Variants in STAU2 observed in about 807,000 individuals in gnomAD.
STAU2 encodes the protein staufen double-stranded RNA binding protein 2.
In STAU2, 20 loss-of-function variants were observed where a neutral mutation model predicts 65.9. The observed-to-expected ratio is 0.30, with a 90% CI of 0.21 to 0.44. The LOEUF is 0.44. Among genes scored for constraint, STAU2 ranks in the 20% least tolerant of loss-of-function variants. STAU2 has a pLI of 1.00. For missense variants in STAU2, 558 were observed against 683.9 expected (o/e 0.82, Z 2.05); for synonymous variants, 232 against 233.9 (o/e 0.99, Z 0.07).
At chr8:73,620,415 C>T (rs1350358404) in intron 6 of STAU2, among the ~76,000 whole-genome samples, 1 of 152,210 alleles carries the variant, frequency 6.6e-6, no homozygotes, top group Non-Finnish European at 1.5e-5. Flanking sequence ...ACTATAATCA[C>T]TAAGGCCTGC....
chr8:73,530,511 G>A (rs1190143268), intron 13 of STAU2, among the ~76,000 whole-genome samples: 1 of 152,198 alleles, frequency 6.6e-6, no homozygotes, highest in Admixed American at 6.5e-5. Context: ...GTAGCTCTAA[G>A]AGAATAGCTG....
At chr8:73,511,432 T>C (rs1696580862) in intron 13 of STAU2, 1 of 152,726 alleles carries the variant, frequency 6.5e-6, no homozygotes, top group South Asian at 2.1e-4. Context: ...CTCTGCTGTA[T>C]TTGCTAAATT....
intron 9 of STAU2, among the ~76,000 whole-genome samples, chr8:73,605,255 A>C (rs549719929): frequency 1.3e-5 from 2 of 151,930 alleles, no homozygotes; most frequent in Non-Finnish European, 2.9e-5. Flanking sequence ...ATCGATCAGA[A>C]GACTCAACAA....
chr8:73,727,529 A>G (rs1350639845), intron 3 of STAU2, among the ~76,000 whole-genome samples: 2 of 152,222 alleles, frequency 1.3e-5, no homozygotes, highest in Non-Finnish European at 2.9e-5. Context: ...GTTCATCTGC[A>G]TCGTAGCATG....
chr8:73,559,179 G>A (rs1048891651), intron 12 of STAU2, among the ~76,000 whole-genome samples: 14 of 152,220 alleles, frequency 9.2e-5, no homozygotes, highest in African/African-American at 3.1e-4. Context: ...ACCACTGGAA[G>A]AAGCTGAGTG....
intron 12 of STAU2, among the ~76,000 whole-genome samples, chr8:73,577,032 A>G (rs1809611733): frequency 6.6e-6 from 1 of 152,212 alleles, no homozygotes; most frequent in Non-Finnish European, 1.5e-5. Context: ...CAGAAATTGA[A>G]ATTTCATTCA....
chr8:73,522,242 G>C (rs1318247025), intron 13 of STAU2, among the ~76,000 whole-genome samples: 1 of 152,180 alleles, frequency 6.6e-6, no homozygotes, highest in Non-Finnish European at 1.5e-5. Context: ...GTAATTAAAG[G>C]AGACAGGAAA....
chr8:73,713,151 G>C (rs548891810), intron 3 of STAU2, among the ~76,000 whole-genome samples: 2 of 152,184 alleles, frequency 1.3e-5, no homozygotes, highest in Admixed American at 1.3e-4. Flanking sequence ...ACTTTGATAA[G>C]AAACACTGGT....
At chr8:73,585,290 G>C (rs1221768288) in intron 11 of STAU2, among the ~76,000 whole-genome samples, 2 of 152,176 alleles carry the variant, frequency 1.3e-5, no homozygotes, top group Admixed American at 1.3e-4. Context: ...AGACCAGCCT[G>C]ACCAACATGG....
chr8:73,545,371 A>G (rs1032834229), intron 13 of STAU2, among the ~76,000 whole-genome samples: 4 of 152,070 alleles, frequency 2.6e-5, no homozygotes, highest in African/African-American at 4.8e-5. Flanking sequence ...AAAAAAATAG[A>G]TAATACTACA....
At chr8:73,746,367 G>A in intron 1 of STAU2, among the ~76,000 whole-genome samples, 1 of 150,724 alleles carries the variant, frequency 6.6e-6, no homozygotes, top group South Asian at 2.1e-4. Context: ...TGCACTCGCC[G>A]TCCTCTCTTC....
intron 10 of STAU2, among the ~76,000 whole-genome samples, chr8:73,596,858 T>G (rs923461764): frequency 9.2e-5 from 14 of 151,954 alleles, no homozygotes; most frequent in African/African-American, 3.4e-4. Context: ...CTAAAAAAAT[T>G]AAAATTAAAA....
chr8:73,646,663 TGAG>T (rs1328350843), intron 6 of STAU2, among the ~76,000 whole-genome samples: 1 of 152,016 alleles, frequency 6.6e-6, no homozygotes, highest in African/African-American at 2.4e-5. Context: ...CTAGATTTGG[TGAG>T]GAGATTTAGA....
Position 73,426,727 on chromosome 8 carries a change from G to T in STAU2, c.1531-4025C>A, listed in dbSNP as rs1816851522. Among the ~76,000 whole-genome samples, 2 of 151,892 alleles carry T rather than the reference G, an allele frequency of 1.3e-5. 1 individual carries two copies. Among genetic ancestry groups the T allele is most frequent in the South Asian group, 4.2e-4 (2 of 4,808 alleles). ...TCATCTGTTGTGTGCTCTTTTCATT[G>T]AATGTGTGCAGTATCAACAGAAACA... On this transcript the variant is annotated intron_variant, in intron 13 of 14. Coordinates refer to ENST00000524300, the MANE Select transcript of STAU2 (RefSeq NM_001164380.2).
At chr8:73,619,435 G>T (rs537865309) in intron 6 of STAU2, among the ~76,000 whole-genome samples, 1 of 152,140 alleles carries the variant, frequency 6.6e-6, no homozygotes, top group African/African-American at 2.4e-5. Flanking sequence ...CAAGCAAAAA[G>T]AAGTCCAATT....
intron 9 of STAU2, among the ~76,000 whole-genome samples, chr8:73,605,585 G>A (rs1469261947): frequency 3.3e-5 from 5 of 151,482 alleles, no homozygotes; most frequent in Non-Finnish European, 5.9e-5. Context: ...CTCAGATTAC[G>A]GGCATGAGCC....
intron 13 of STAU2, among the ~76,000 whole-genome samples, chr8:73,545,975 C>T (rs181875287): frequency 1.3e-5 from 2 of 151,368 alleles, no homozygotes; most frequent in East Asian, 1.9e-4. Flanking sequence ...CAGGGTCTTG[C>T]TCTGTCATCC....
intron 13 of STAU2, among the ~76,000 whole-genome samples, chr8:73,428,779 C>T (rs1431158495): frequency 6.6e-6 from 1 of 152,176 alleles, no homozygotes; most frequent in Non-Finnish European, 1.5e-5. Flanking sequence ...GTCCAGGACC[C>T]ATGGCACCTG....
At chr8:73,554,936 C>T (rs1044395014) in intron 12 of STAU2, among the ~76,000 whole-genome samples, 1 of 152,224 alleles carries the variant, frequency 6.6e-6, no homozygotes, top group Non-Finnish European at 1.5e-5. Flanking sequence ...GATCCCAACA[C>T]ATCTTTATTT....
Sources: allele counts gnomAD v4.1 joint callset (sites outside exome capture counted in the v4.1 genomes callset), GRCh38; gene constraint gnomAD v4.1.1; transcripts MANE v1.5; gene names NCBI Gene and HGNC (gene_info 2026-07-23, HGNC 2026-07-21).